Variants in NFYC observed in about 807,000 individuals in gnomAD.
The protein encoded by NFYC is CAAT box DNA-binding protein subunit C.
In NFYC, 25 loss-of-function variants were observed where a neutral mutation model predicts 53.1. That is an observed-to-expected ratio of 0.47 (90% confidence interval 0.34 to 0.66). The LOEUF (loss-of-function observed/expected upper bound fraction) is 0.66, where lower values mean the gene tolerates loss of function less well. Among genes scored for constraint, NFYC ranks in the 30% least tolerant of loss-of-function variants. The pLI is 0.01. For synonymous variants in NFYC, 145 were observed against 152.6 expected, an observed-to-expected ratio of 0.95 and a Z score of 0.37; for missense variants, 260 against 422.7, an observed-to-expected ratio of 0.62 and a Z score of 3.38.
At chr1:40,751,373 A>G (rs1440576464) in intron 4 of NFYC, among the ~76,000 whole-genome samples, 7 of 152,140 alleles carry the variant, frequency 4.6e-5, no homozygotes, top group South Asian at 2.1e-4. Flanking sequence ...GGGGAAGGAT[A>G]TTGACTGGAA....
intron 1 of NFYC, among the ~76,000 whole-genome samples, chr1:40,719,606 C>G (rs1644261698): frequency 6.6e-6 from 1 of 152,192 alleles, no homozygotes; most frequent in Non-Finnish European, 1.5e-5. Flanking sequence ...AAGCTTTCTA[C>G]TTTGAAATGT....
chr1:40,701,152 A>G (rs1055142555), intron 1 of NFYC, among the ~76,000 whole-genome samples: 1 of 152,028 alleles, frequency 6.6e-6, no homozygotes, highest in Non-Finnish European at 1.5e-5. Context: ...GCTGGAGTGC[A>G]TTGGTGCAAT....
At position 40,771,175 on chromosome 1, in the gene NFYC, T is replaced by G; in HGVS notation, c.*347T>G. ...TCTCCTTTTGTTTTTCTTTTTTTTT[T>G]GTTTGTTACTGCCACTTCTTTTTAG... is the stretch of plus-strand genomic sequence containing the variant. On this transcript the variant is annotated 3_prime_UTR_variant, in exon 10 of 10. Transcript: ENST00000447388. 1 of 330,492 alleles carries G rather than the reference T, an allele frequency of 3.0e-6. No homozygotes were observed. The highest frequency in any genetic ancestry group is 5.7e-6 in the Non-Finnish European group (1 of 175,586). The allele number at this position is 330,492 out of a possible 1,614,324, so 20.5% of individuals were successfully genotyped here.
chr1:40,751,650 C>T (rs578230606), intron 4 of NFYC, among the ~76,000 whole-genome samples: 3 of 152,126 alleles, frequency 2.0e-5, no homozygotes, highest in South Asian at 2.1e-4. Context: ...CTGGCTCAAG[C>T]GATCCTCCTG....
intron 1 of NFYC, among the ~76,000 whole-genome samples, chr1:40,711,287 TGAA>T (rs1236127672): frequency 6.6e-6 from 1 of 152,230 alleles, no homozygotes; most frequent in African/African-American, 2.4e-5. Flanking sequence ...AGTCCTAAGA[TGAA>T]GAAGTATGTG....
intron 1 of NFYC, among the ~76,000 whole-genome samples, chr1:40,692,509 G>A (rs184323480): frequency 6.6e-5 from 10 of 152,278 alleles, no homozygotes; most frequent in African/African-American, 2.4e-4. Context: ...GAGTCTTCGA[G>A]ATCCAGGGTT....
chr1:40,713,668 C>T (rs982443499), intron 1 of NFYC, among the ~76,000 whole-genome samples: 8 of 152,044 alleles, frequency 5.3e-5, no homozygotes, highest in Non-Finnish European at 7.4e-5. Flanking sequence ...AAATTGAGGC[C>T]CAGTAAGTTC....
chr1:40,716,833 A>C (rs1004063326), intron 1 of NFYC, among the ~76,000 whole-genome samples: 9 of 152,168 alleles, frequency 5.9e-5, no homozygotes, highest in African/African-American at 1.9e-4. Flanking sequence ...ACTGTTGGAC[A>C]CTGTTACTAT....
At chr1:40,737,681 G>A (rs1645111597) in intron 1 of NFYC, among the ~76,000 whole-genome samples, 1 of 151,944 alleles carries the variant, frequency 6.6e-6, no homozygotes, top group South Asian at 2.1e-4. Context: ...AGTGTGCTGT[G>A]TTAGGCTTGT....
intron 5 of NFYC, among the ~76,000 whole-genome samples, chr1:40,757,014 T>C (rs1268579763): frequency 6.6e-6 from 1 of 152,264 alleles, no homozygotes; most frequent in Admixed American, 6.5e-5. Context: ...TTGTAAATGT[T>C]ACTTTGGGGA....
chr1:40,760,422 T>TA (rs1557911306), intron 6 of NFYC, among the ~76,000 whole-genome samples: 1 of 151,952 alleles, frequency 6.6e-6, no homozygotes, highest in Non-Finnish European at 1.5e-5. Flanking sequence ...CACAGAGAAT[T>TA]AAAAATAAGT....
At chr1:40,740,062 C>T (rs1229131448) in intron 2 of NFYC, among the ~76,000 whole-genome samples, 2 of 152,074 alleles carry the variant, frequency 1.3e-5, no homozygotes, top group African/African-American at 2.4e-5. Flanking sequence ...TTTCATAATA[C>T]AGTTGTCATG....
intron 1 of NFYC, among the ~76,000 whole-genome samples, chr1:40,720,053 G>A (rs375591735): frequency 2.0e-5 from 3 of 152,280 alleles, no homozygotes; most frequent in East Asian, 1.9e-4. Flanking sequence ...AGGTCTTTAT[G>A]TTCTCAGTTC....
chr1:40,727,344 C>T (rs1373762174), intron 1 of NFYC, among the ~76,000 whole-genome samples: 3 of 151,500 alleles, frequency 2.0e-5, no homozygotes, highest in Admixed American at 6.6e-5. Flanking sequence ...CCACCTCAGC[C>T]TCCTAAGTAG....
At position 40,691,884 on chromosome 1, in the gene NFYC, G is replaced by C. The variant is rs1259306887; in HGVS notation, c.-9+17G>C. 1 of 383,550 alleles carries C rather than the reference G, an allele frequency of 2.6e-6. No homozygotes were observed. The highest frequency in any genetic ancestry group is 1.7e-5 in the South Asian group (1 of 57,172). 23.8% of individuals were successfully genotyped at this position (383,550 alleles called of 1,614,324 possible). The stretch of plus-strand genomic sequence containing the variant: ...TGAGCAGAGGTGTGTGAGTGTGCGG[G>C]AGTTTCTGTGCGAGGGTGATAGGGA... On this transcript the variant is annotated intron_variant, in intron 1 of 9. Transcript: ENST00000447388.
At chr1:40,703,133 T>A (rs1337465168) in intron 1 of NFYC, among the ~76,000 whole-genome samples, 2 of 152,150 alleles carry the variant, frequency 1.3e-5, no homozygotes, top group Non-Finnish European at 2.9e-5. Context: ...TTGTTTTTTT[T>A]AAAACTTGAA....
At chr1:40,738,743 A>G in intron 1 of NFYC, 93 bp from the exon 2 acceptor site, 1 of 871,292 alleles carries the variant, frequency 1.1e-6, no homozygotes, top group East Asian at 2.5e-5. Flanking sequence ...GAATAGATTC[A>G]TAAAAACATC....
Position 40,763,001 on chromosome 1 carries a change from G to A in NFYC, c.675G>A (p.Val225=), listed in dbSNP as rs1172113048. 2 of 1,610,708 alleles carry A rather than the reference G, an allele frequency of 1.2e-6. No individual in the cohort carries two copies. The highest frequency in any genetic ancestry group is 1.7e-6 in the Non-Finnish European group (2 of 1,178,186). The part of the protein sequence containing the change: ...AQSGTGQTMQ[V]MQQIITNTGE... ...GTGGCACTGGACAGACCATGCAGGT[G>A]ATGCAGCAGATCATCACTAACACAG... The change falls in exon 7 of 10, where the codon GTG becomes GTA. Residue 225 remains valine, a synonymous_variant. Coordinates refer to ENST00000447388, the MANE Select transcript of NFYC (RefSeq NM_014223.5).
At chr1:40,716,067 A>G (rs1207839439) in intron 1 of NFYC, among the ~76,000 whole-genome samples, 1 of 152,218 alleles carries the variant, frequency 6.6e-6, no homozygotes, top group African/African-American at 2.4e-5. Context: ...CCTAAGCTAT[A>G]TAGTTCTTAC....
Sources: allele counts gnomAD v4.1 joint callset (sites outside exome capture counted in the v4.1 genomes callset), GRCh38; gene constraint gnomAD v4.1.1; transcripts MANE v1.5; gene names NCBI Gene and HGNC (gene_info 2026-07-23, HGNC 2026-07-21).